Variants in RAB28 observed in about 807,000 individuals in gnomAD.
RAB28 encodes ras-related protein Rab-28.
In RAB28, 24 loss-of-function variants were observed where a neutral mutation model predicts 31.7. The ratio of observed to expected loss-of-function variants is 0.76; its 90% CI spans 0.55 to 1.06. The LOEUF (loss-of-function observed/expected upper bound fraction) is 1.06, where lower values mean the gene tolerates loss of function less well. Among genes scored for constraint, RAB28 ranks in the 50% least tolerant of loss-of-function variants. The probability of loss-of-function intolerance (pLI) is 0.00; values close to 1 mark genes in which losing one functional copy is unlikely to be tolerated. For missense variants in RAB28, 254 were observed against 258.5 expected, an observed-to-expected ratio of 0.98 and a Z score of 0.12; for synonymous variants, 100 against 90.4, an observed-to-expected ratio of 1.11 and a Z score of -0.60.
chr4:13,474,479 T>C, intron 2 of RAB28, 73 bp from the exon 3 acceptor site: 1 of 847,720 alleles, frequency 1.2e-6, no homozygotes, highest in South Asian at 1.8e-5. Context: ...AGTGACACAG[T>C]ATCACAGAAT....
At chr4:13,483,760 G>A (rs1417135104) in intron 1 of RAB28, among the ~76,000 whole-genome samples, 1 of 152,226 alleles carries the variant, frequency 6.6e-6, no homozygotes, top group South Asian at 2.1e-4. Context: ...ACAAGTAAGA[G>A]GAGCTAAGAT....
chr4:13,484,023 G>A, intron 1 of RAB28, 53 bp downstream of exon 1: 1 of 1,506,620 alleles, frequency 6.6e-7, no homozygotes, highest in Non-Finnish European at 9.0e-7. Flanking sequence ...AGGAGGCCGG[G>A]GACCGCCGGG....
chr4:13,459,893 G>A, intron 4 of RAB28: 1 of 1,289,268 alleles, frequency 7.8e-7, no homozygotes, highest in African/African-American at 1.5e-5. Flanking sequence ...CAGCTGTGTT[G>A]CTGTTCTTCA....
intron 4 of RAB28, among the ~76,000 whole-genome samples, chr4:13,437,764 T>A (rs1714203594): frequency 6.6e-6 from 1 of 152,162 alleles, no homozygotes; most frequent in South Asian, 2.1e-4. Flanking sequence ...GGAAATTAGT[T>A]CAACCTCTAC....
At chr4:13,411,819 T>C (rs1712456507) in intron 4 of RAB28, among the ~76,000 whole-genome samples, 1 of 151,922 alleles carries the variant, frequency 6.6e-6, no homozygotes, top group African/African-American at 2.4e-5. Flanking sequence ...AAGAAAAATG[T>C]ATTAGACAAA....
At chr4:13,475,146 C>T (rs1716296787) in intron 2 of RAB28, among the ~76,000 whole-genome samples, 1 of 151,556 alleles carries the variant, frequency 6.6e-6, no homozygotes, top group Admixed American at 6.6e-5. Flanking sequence ...TAATCATCTT[C>T]CCCATACAAG....
chr4:13,418,155 G>A (rs568308176), intron 4 of RAB28, among the ~76,000 whole-genome samples: 5 of 152,260 alleles, frequency 3.3e-5, no homozygotes, highest in South Asian at 4.1e-4. Flanking sequence ...GGGTATCAGC[G>A]ATTGAAGATC....
intron 4 of RAB28, among the ~76,000 whole-genome samples, chr4:13,393,935 A>G (rs1729760778): frequency 6.6e-6 from 1 of 151,976 alleles, no homozygotes; most frequent in Non-Finnish European, 1.5e-5. Flanking sequence ...AATAAATATG[A>G]CCACCTATTA....
At chr4:13,460,297 C>T (rs1052925514) in intron 4 of RAB28, among the ~76,000 whole-genome samples, 3 of 152,166 alleles carry the variant, frequency 2.0e-5, no homozygotes, top group Non-Finnish European at 4.4e-5. Context: ...CTTCCTGGTT[C>T]GCAGACAGCC....
chr4:13,436,133 A>C (rs1332108311), intron 4 of RAB28, among the ~76,000 whole-genome samples: 1 of 152,216 alleles, frequency 6.6e-6, no homozygotes, highest in Non-Finnish European at 1.5e-5. Flanking sequence ...AGATTCAGAA[A>C]AGGCATTCAA....
chr4:13,483,984 G>A, intron 1 of RAB28, 92 bp downstream of exon 1: 2 of 1,244,330 alleles, frequency 1.6e-6, no homozygotes, highest in Non-Finnish European at 2.3e-6. Context: ...CGAGGGCTCG[G>A]GGTAACGAGG....
At position 13,439,521 on chromosome 4, in the gene RAB28, A is replaced by G. The variant is rs377161044; in HGVS notation, c.391+21178T>C. On this transcript the variant is annotated intron_variant, in intron 4 of 6. Coordinates refer to ENST00000330852, the MANE Select transcript of RAB28 (RefSeq NM_001017979.3). ...GCCACCATGCTCAGCTAATTGTTGT[A>G]TCTTTAGTAGAGATGGGGTTTCACC... Among the ~76,000 whole-genome samples, 49 of 152,048 alleles carry G rather than the reference A, an allele frequency of 3.2e-4. No homozygotes were observed. In the South Asian group the frequency reaches 1.0e-2, roughly 31 times the overall value.
intron 6 of RAB28, chr4:13,371,940 A>G (rs1158669398): frequency 8.7e-6 from 12 of 1,384,114 alleles, no homozygotes; most frequent in African/African-American, 2.9e-5. Flanking sequence ...TGCCAAGTGT[A>G]TACTGGAAAT....
At chr4:13,403,111 T>A (rs1711866639) in intron 4 of RAB28, among the ~76,000 whole-genome samples, 1 of 152,168 alleles carries the variant, frequency 6.6e-6, no homozygotes, top group Admixed American at 6.5e-5. Context: ...TCACATATTC[T>A]TTGAAGTAAC....
intron 3 of RAB28, among the ~76,000 whole-genome samples, chr4:13,467,818 A>G (rs1307401868): frequency 6.6e-6 from 1 of 151,994 alleles, no homozygotes; most frequent in Non-Finnish European, 1.5e-5. Flanking sequence ...TTAATACACA[A>G]ATTAAAAGAC....
At chr4:13,441,861 G>A (rs1158401039) in intron 4 of RAB28, among the ~76,000 whole-genome samples, 1 of 152,150 alleles carries the variant, frequency 6.6e-6, no homozygotes, top group Admixed American at 6.5e-5. Context: ...GCTGTTCTGG[G>A]TTAATGCTAA....
intron 4 of RAB28, among the ~76,000 whole-genome samples, chr4:13,409,794 A>G (rs1326187959): frequency 6.6e-6 from 1 of 152,152 alleles, no homozygotes; most frequent in African/African-American, 2.4e-5. Flanking sequence ...TTTTGGAAAC[A>G]TATTTCCACT....
chr4:13,386,458 A>G (rs1454171870), intron 4 of RAB28, among the ~76,000 whole-genome samples: 1 of 152,212 alleles, frequency 6.6e-6, no homozygotes, highest in Non-Finnish European at 1.5e-5. Flanking sequence ...ACCTGAACAG[A>G]TACTTCTCAA....
At chr4:13,483,948 A>G in intron 1 of RAB28, 128 bp downstream of exon 1, 1 of 856,592 alleles carries the variant, frequency 1.2e-6, no homozygotes, top group East Asian at 2.7e-5. Flanking sequence ...AGGCCACACA[A>G]CCAGAAGGGC....
Sources: gnomAD v4.1 joint callset for allele counts (sites outside exome capture counted in the v4.1 genomes callset) on GRCh38, gnomAD v4.1.1 for gene constraint, MANE v1.5 for transcripts, NCBI Gene and HGNC (gene_info 2026-07-23, HGNC 2026-07-21) for gene names.